TAFA2: variants seen among roughly 807,000 people sequenced by gnomAD.
TAFA2 encodes the protein TAFA chemokine like family member 2.
In TAFA2, 7 loss-of-function variants were observed where a neutral mutation model predicts 18.8. The ratio of observed to expected loss-of-function variants is 0.37; its 90% CI spans 0.21 to 0.70. TAFA2 has a LOEUF of 0.70. TAFA2 is among the 30% of genes least tolerant of loss of function. The pLI, the probability that TAFA2 is intolerant of heterozygous loss-of-function variation, is 0.53. For synonymous variants in TAFA2, 60 were observed against 54.2 expected, an observed-to-expected ratio of 1.11 and a Z score of -0.47; for missense variants, 122 against 158.1, an observed-to-expected ratio of 0.77 and a Z score of 1.23.
chr12:62,186,301 T>G (rs2062585427), intron 1 of TAFA2, among the ~76,000 whole-genome samples: 3 of 152,176 alleles, frequency 2.0e-5, no homozygotes, highest in Non-Finnish European at 2.9e-5. Context: ...ATGCAGTGAC[T>G]AGTTTGTAGC....
rs750978368 is a variant in TAFA2, at chr12:62,022,879, G to T, written c.-1-155453C>A. 4.6e-5 allele frequency among the ~76,000 whole-genome samples: 7 copies of T among 152,216 alleles called. 1 individual carries two copies. The highest frequency in any genetic ancestry group is 2.0e-4 in the Admixed American group (3 of 15,286). On this transcript the variant is annotated intron_variant, in intron 1 of 4. Coordinates refer to ENST00000416284, the MANE Select transcript of TAFA2 (RefSeq NM_178539.5). ...CAGCAAGTAGTTCTCATTCCCAGGG[G>T]TTCCCATGGCTGAATGAGGGGAGCA... is the stretch of plus-strand genomic sequence containing the variant.
chr12:61,867,536 G>A, intron 1 of TAFA2, 110 bp from the exon 2 acceptor site: 1 of 631,862 alleles, frequency 1.6e-6, no homozygotes, highest in East Asian at 2.8e-5. Flanking sequence ...TTCAACTTCT[G>A]AAAACTGTAT....
chr12:61,841,321 G>C (rs188954540), intron 2 of TAFA2, among the ~76,000 whole-genome samples: 1 of 152,066 alleles, frequency 6.6e-6, no homozygotes, highest in Non-Finnish European at 1.5e-5. Context: ...GGAATAACCT[G>C]TCTCAAACCA....
chr12:61,819,338 A>G (rs562780850), intron 2 of TAFA2, among the ~76,000 whole-genome samples: 98 of 152,330 alleles, frequency 6.4e-4, no homozygotes, highest in Non-Finnish European at 7.6e-4. Flanking sequence ...TCCTATAATC[A>G]TATCCAAAGC....
chr12:61,733,622 A>G (rs1389118290), intron 4 of TAFA2, among the ~76,000 whole-genome samples: 2 of 147,530 alleles, frequency 1.4e-5, no homozygotes, highest in South Asian at 2.2e-4. Flanking sequence ...GTTCTGTTCC[A>G]TTGATCTATA....
intron 1 of TAFA2, among the ~76,000 whole-genome samples, chr12:62,189,994 GT>G (rs952077658): frequency 7.0e-6 from 1 of 142,684 alleles, no homozygotes; most frequent in East Asian, 2.1e-4. Flanking sequence ...GGTTTTTAAG[GT>G]TTTTTTTCTC....
intron 1 of TAFA2, among the ~76,000 whole-genome samples, chr12:62,241,223 T>C (rs1487519105): frequency 3.3e-5 from 5 of 152,284 alleles, no homozygotes; most frequent in Non-Finnish European, 5.9e-5. Flanking sequence ...CAAGGGTAGT[T>C]AAGCAAGCAG....
intron 1 of TAFA2, among the ~76,000 whole-genome samples, chr12:61,914,851 T>C (rs1284668991): frequency 6.6e-6 from 1 of 152,186 alleles, no homozygotes; most frequent in Non-Finnish European, 1.5e-5. Flanking sequence ...AGACTTATTT[T>C]ATATATGTAG....
intron 1 of TAFA2, among the ~76,000 whole-genome samples, chr12:61,906,419 C>T (rs1270224119): frequency 3.3e-5 from 5 of 152,122 alleles, no homozygotes; most frequent in South Asian, 2.1e-4. Flanking sequence ...CCATGTAAGA[C>T]GTGACTTTGT....
chr12:62,076,497 A>G (rs1401771265), intron 1 of TAFA2, among the ~76,000 whole-genome samples: 1 of 152,184 alleles, frequency 6.6e-6, no homozygotes, highest in East Asian at 1.9e-4. Flanking sequence ...GATTTTCTTT[A>G]GGGTTTTCAA....
intron 2 of TAFA2, among the ~76,000 whole-genome samples, chr12:61,843,312 A>G (rs542158420): frequency 1.3e-5 from 2 of 152,196 alleles, no homozygotes; most frequent in African/African-American, 4.8e-5. Context: ...AAGCTGGTGT[A>G]CTGCTAGGGA....
chr12:61,873,970 C>T (rs1231865924), intron 1 of TAFA2, among the ~76,000 whole-genome samples: 5 of 152,138 alleles, frequency 3.3e-5, no homozygotes, highest in Non-Finnish European at 1.5e-5. Context: ...GTAACTCATA[C>T]ATATAATCAT....
At chr12:61,977,513 A>G (rs1022722810) in intron 1 of TAFA2, among the ~76,000 whole-genome samples, 4 of 152,048 alleles carry the variant, frequency 2.6e-5, no homozygotes, top group Non-Finnish European at 5.9e-5. Flanking sequence ...AAGCCCAGAC[A>G]ATGAATGTGC....
intron 1 of TAFA2, among the ~76,000 whole-genome samples, chr12:62,091,907 G>A (rs898119432): frequency 1.3e-5 from 2 of 151,880 alleles, no homozygotes; most frequent in Non-Finnish European, 1.5e-5. Context: ...AATTGCTGTC[G>A]ACAGAGTATC....
chr12:62,190,828 A>G (rs2062617925), intron 1 of TAFA2, among the ~76,000 whole-genome samples: 1 of 152,174 alleles, frequency 6.6e-6, no homozygotes, highest in Admixed American at 6.5e-5. Context: ...GACACATCCC[A>G]TTGATCTTCC....
intron 2 of TAFA2, among the ~76,000 whole-genome samples, chr12:61,782,133 C>T (rs897219170): frequency 6.6e-6 from 1 of 151,488 alleles, no homozygotes; most frequent in Non-Finnish European, 1.5e-5. Flanking sequence ...TTCTAATGTC[C>T]CTCAACCATC....
In TAFA2 at chr12:61,856,395, T is replaced by C. The variant is rs1050841628; in HGVS notation, c.106+10925A>G. 3.9e-5 allele frequency among the ~76,000 whole-genome samples: 6 copies of C among 152,122 alleles called. No homozygotes were observed. The South Asian group carries it at 8.3e-4, about 21-fold the overall frequency. On this transcript the variant is annotated intron_variant, in intron 2 of 4. Transcript: ENST00000416284. ...AAAATATTAATGGTCAATAAACCAA[T>C]AGAAGTTTTACTTATCATCTTTAGT...
At chr12:61,715,614 A>AT (rs1321066663) in intron 4 of TAFA2, among the ~76,000 whole-genome samples, 2 of 151,840 alleles carry the variant, frequency 1.3e-5, no homozygotes, top group South Asian at 4.2e-4. Flanking sequence ...GGCTTCCCAA[A>AT]GTGCTAGGTT....
chr12:61,883,598 G>C (rs1247506267), intron 1 of TAFA2, among the ~76,000 whole-genome samples: 1 of 152,160 alleles, frequency 6.6e-6, no homozygotes, highest in Non-Finnish European at 1.5e-5. Flanking sequence ...ATGCAAGTAA[G>C]AGAATGATGT....
Sources: allele counts gnomAD v4.1 joint callset (sites outside exome capture counted in the v4.1 genomes callset), GRCh38; gene constraint gnomAD v4.1.1; transcripts MANE v1.5; gene names NCBI Gene and HGNC (gene_info 2026-07-23, HGNC 2026-07-21).